APOOL: variants seen among roughly 807,000 people sequenced by gnomAD.
The protein encoded by APOOL is apolipoprotein O like, also known as MICOS complex subunit MIC27.
APOOL carries 12 observed loss-of-function variants against 23.1 expected under a neutral mutation model. That is an observed-to-expected ratio of 0.52 (90% CI 0.33 to 0.84). The LOEUF (loss-of-function observed/expected upper bound fraction) is 0.84. Among genes scored for constraint, APOOL ranks in the 40% least tolerant of loss-of-function variants. The probability of loss-of-function intolerance (pLI) is 0.02; values close to 1 mark genes in which losing one functional copy is unlikely to be tolerated. For synonymous variants in APOOL, 77 were observed against 69.9 expected (o/e 1.10, Z -0.51); for missense variants, 212 against 199.6 (o/e 1.06, Z -0.37).
At chrX:85,077,909 T>C (rs1416410408) in intron 8 of APOOL, among the ~76,000 whole-genome samples, 2 of 112,240 alleles carry the variant, frequency 1.8e-5, no homozygotes, top group Admixed American at 9.4e-5. Context: ...AAGTGTCTGT[T>C]CATATCCTTT....
At chrX:85,067,627 A>AACACACACACACAC (rs758966009) in intron 6 of APOOL, among the ~76,000 whole-genome samples, 9 of 90,402 alleles carry the variant, frequency 1.0e-4, no homozygotes, top group South Asian at 6.2e-4. Context: ...CTGAAGGTAA[A>AACACACACACACAC]ACACACACAC....
intron 1 of APOOL, among the ~76,000 whole-genome samples, chrX:85,032,035 G>A (rs1412099674): frequency 9.0e-6 from 1 of 111,677 alleles, no homozygotes; most frequent in Non-Finnish European, 1.9e-5. Context: ...GTATATATGT[G>A]TGTGTCAAAG....
chrX:85,068,396 CTTTT>C (rs776359466), intron 6 of APOOL, among the ~76,000 whole-genome samples: 1 of 93,198 alleles, frequency 1.1e-5, no homozygotes. Flanking sequence ...GATTCTTCTT[CTTTT>C]TTTTTTTTTT....
At chrX:85,065,855 G>A (rs1923437524) in intron 5 of APOOL, among the ~76,000 whole-genome samples, 1 of 110,910 alleles carries the variant, frequency 9.0e-6, no homozygotes. Flanking sequence ...AGCAAGCAGG[G>A]CTAGAGTAAA....
At chrX:85,051,867 C>T (rs766954093) in intron 3 of APOOL, among the ~76,000 whole-genome samples, 2 of 111,888 alleles carry the variant, frequency 1.8e-5, no homozygotes, top group African/African-American at 6.5e-5. Context: ...ATGGTGATCT[C>T]AAATAGGTCA....
chrX:85,051,492 A>G lies in APOOL; in HGVS notation c.224A>G (p.Tyr75Cys). ...TCCATCCGCACTGCAACTGGTTGTT[A>G]CATTGGCTGGTGCAAGGTAAGTCAA... ...FASIRTATGC[Y>C]IGWCKGVYVF... Residue 75 changes from tyrosine (Y) to cysteine (C), a missense_variant, in exon 3 of 9, where the codon TAC (tyrosine) becomes TGC (cysteine). Tyr to Cys is a radical substitution (Grantham distance 194). Transcript: ENST00000373173. 1 of 1,211,594 alleles carries G rather than the reference A, an allele frequency of 8.3e-7. No individual in the cohort carries two copies.
At chrX:85,036,020 C>A (rs993668672) in intron 1 of APOOL, among the ~76,000 whole-genome samples, 1 of 112,142 alleles carries the variant, frequency 8.9e-6, no homozygotes, top group Non-Finnish European at 1.9e-5. Context: ...TGACAAATGT[C>A]GTTGGTAGTT....
chrX:85,023,764 C>G (rs1284364085), intron 1 of APOOL, among the ~76,000 whole-genome samples: 1 of 112,215 alleles, frequency 8.9e-6, no homozygotes, highest in Non-Finnish European at 1.9e-5. Context: ...AAATAGCTTT[C>G]AAGACAGAAA....
chrX:85,084,783 C>T (rs1924232561), intron 8 of APOOL, among the ~76,000 whole-genome samples: 1 of 111,543 alleles, frequency 9.0e-6, no homozygotes, highest in South Asian at 3.7e-4. Context: ...AATCTTTCAC[C>T]AAACTTTGAA....
intron 3 of APOOL, 95 bp from the exon 4 acceptor site, chrX:85,054,249 A>T (rs1043720612): frequency 5.2e-6 from 4 of 774,836 alleles, no homozygotes; most frequent in South Asian, 2.6e-5. Flanking sequence ...TGTTAAGTCA[A>T]CCTTTTAATA....
chrX:85,021,289 T>C (rs1221829159), intron 1 of APOOL, among the ~76,000 whole-genome samples: 2 of 110,979 alleles, frequency 1.8e-5, no homozygotes, highest in Admixed American at 9.5e-5. Context: ...ACTTAGCCTC[T>C]AGACAAGCAC....
intron 1 of APOOL, among the ~76,000 whole-genome samples, chrX:85,008,382 T>G (rs1309573950): frequency 1.8e-5 from 2 of 111,836 alleles, no homozygotes; most frequent in Non-Finnish European, 3.8e-5. Flanking sequence ...GTTCAGTGAG[T>G]TCAACTTCTC....
chrX:85,031,573 G>A lies in APOOL; in HGVS notation c.16-14873G>A, dbSNP rs779518237. ...TAGTGGGAATTGAGCCAGTCCTTCAGTGAAGGGCAGGGTTTTGGTAAGTGT... is the reference window on the plus strand; with the variant it reads ...TAGTGGGAATTGAGCCAGTCCTTCAATGAAGGGCAGGGTTTTGGTAAGTGT... On this transcript the variant is annotated intron_variant, in intron 1 of 8. Coordinates refer to ENST00000373173, the MANE Select transcript of APOOL (RefSeq NM_198450.6). 2.7e-5 allele frequency among the ~76,000 whole-genome samples: 3 copies of A among 111,820 alleles called. No homozygotes were observed. The East Asian group carries it at 8.4e-4, about 31-fold the overall frequency.
intron 1 of APOOL, among the ~76,000 whole-genome samples, chrX:85,009,295 A>G (rs1167753623): frequency 6.2e-5 from 7 of 112,012 alleles, no homozygotes. Flanking sequence ...TATGTTAAAT[A>G]AAAGTGGCAA....
At chrX:85,084,172 G>T (rs1224784252) in intron 8 of APOOL, among the ~76,000 whole-genome samples, 1 of 88,964 alleles carries the variant, frequency 1.1e-5, no homozygotes, top group African/African-American at 4.4e-5. Context: ...GTCTCGCTCT[G>T]TCACCCAGGC....
At chrX:85,023,103 G>A (rs1947088097) in intron 1 of APOOL, among the ~76,000 whole-genome samples, 1 of 111,589 alleles carries the variant, frequency 9.0e-6, no homozygotes, top group African/African-American at 3.3e-5. Context: ...AAATTACCCA[G>A]TCTCAGATAT....
At chrX:85,011,010 TA>T (rs1293924061) in intron 1 of APOOL, among the ~76,000 whole-genome samples, 3 of 111,861 alleles carry the variant, frequency 2.7e-5, no homozygotes, top group Non-Finnish European at 5.7e-5. Context: ...CAACATCTAT[TA>T]TTTTTTTATT....
At chrX:85,053,116 T>G (rs969265933) in intron 3 of APOOL, among the ~76,000 whole-genome samples, 2 of 111,646 alleles carry the variant, frequency 1.8e-5, no homozygotes, top group Non-Finnish European at 3.8e-5. Flanking sequence ...TAGAGCAAAT[T>G]CAATTTCTAC....
chrX:85,076,671 T>A (rs1309502096), intron 8 of APOOL, among the ~76,000 whole-genome samples: 2 of 110,647 alleles, frequency 1.8e-5, no homozygotes, highest in Admixed American at 2.0e-4. Flanking sequence ...AAAGAGCAAG[T>A]CACTTACCTA....
Sources: allele counts gnomAD v4.1 joint callset (sites outside exome capture counted in the v4.1 genomes callset), GRCh38; gene constraint gnomAD v4.1.1; transcripts MANE v1.5; gene names NCBI Gene and HGNC (gene_info 2026-07-23, HGNC 2026-07-21).